NUDCD1: variants seen among roughly 807,000 people sequenced by gnomAD.
The protein encoded by NUDCD1 is nudC domain-containing protein 1.
In NUDCD1, 60 loss-of-function variants were observed where a neutral mutation model predicts 67.8. That is an observed-to-expected ratio of 0.88 (90% CI 0.72 to 1.10). The LOEUF (loss-of-function observed/expected upper bound fraction) is 1.10. Among genes scored for constraint, NUDCD1 ranks in the 50% least tolerant of loss-of-function variants. NUDCD1 has a pLI of 0.00. For missense variants in NUDCD1, 643 were observed against 695.0 expected (o/e 0.93, Z 0.84); for synonymous variants, 244 against 230.8 (o/e 1.06, Z -0.52).
intron 2 of NUDCD1, among the ~76,000 whole-genome samples, chr8:109,305,932 C>T (rs1056840779): frequency 6.6e-6 from 1 of 152,186 alleles, no homozygotes; most frequent in Non-Finnish European, 1.5e-5. Flanking sequence ...ACTCGCATTT[C>T]TGAAGAACAG....
At chr8:109,318,160 T>C (rs965062269) in intron 2 of NUDCD1, among the ~76,000 whole-genome samples, 1 of 152,190 alleles carries the variant, frequency 6.6e-6, no homozygotes, top group Admixed American at 6.5e-5. Context: ...TTTGACCAAC[T>C]ACCCTACCTC....
intron 8 of NUDCD1, among the ~76,000 whole-genome samples, chr8:109,253,116 A>G (rs1266231645): frequency 6.6e-6 from 1 of 152,244 alleles, no homozygotes; most frequent in Non-Finnish European, 1.5e-5. Context: ...CTATTGATTT[A>G]TAAAATGGTT....
intron 2 of NUDCD1, among the ~76,000 whole-genome samples, chr8:109,304,916 A>T (rs1376316803): frequency 6.6e-6 from 1 of 152,082 alleles, no homozygotes. Context: ...ACACAAGACA[A>T]ATGGTTCTTG....
chr8:109,302,763 C>T lies in NUDCD1; in HGVS notation c.274-6194G>A, dbSNP rs531002006. Among the ~76,000 whole-genome samples the T allele has an allele frequency of 3.9e-5, 6 of 152,262 alleles. No individual in the cohort carries two copies. In the East Asian group the frequency reaches 7.7e-4, roughly 20 times the overall value. ...ATGAAACCCAGCCCAGTCCATGGCCCGTTTGGCAACAACCCTCAGACGCTT... is the reference window on the plus strand; with the variant it reads ...ATGAAACCCAGCCCAGTCCATGGCCTGTTTGGCAACAACCCTCAGACGCTT... On this transcript the variant is annotated intron_variant, in intron 2 of 9. Transcript: ENST00000239690.
At chr8:109,247,452 G>C (rs1813525149) in intron 8 of NUDCD1, among the ~76,000 whole-genome samples, 1 of 152,128 alleles carries the variant, frequency 6.6e-6, no homozygotes, top group South Asian at 2.1e-4. Context: ...AGTGAAAGGT[G>C]ACCACCAAGG....
intron 3 of NUDCD1, among the ~76,000 whole-genome samples, chr8:109,294,304 C>T (rs548548471): frequency 6.6e-6 from 1 of 152,146 alleles, no homozygotes; most frequent in East Asian, 1.9e-4. Context: ...GAAAACCTTA[C>T]AAAGAAAAAT....
chr8:109,284,569 C>A (rs916341411), intron 5 of NUDCD1, among the ~76,000 whole-genome samples: 3 of 151,904 alleles, frequency 2.0e-5, no homozygotes, highest in Admixed American at 6.6e-5. Flanking sequence ...TGAAATCATA[C>A]CAATCATACT....
rs1586266071 is a variant in NUDCD1 at position 109,270,910 on chromosome 8, C to T, written c.1299+95G>A. 2.5e-5 allele frequency: 19 copies of T among 757,742 alleles called. No homozygotes were observed. The East Asian group carries it at 4.2e-4, about 17-fold the overall frequency. The allele number at this position is 757,742 out of a possible 1,614,324, so 46.9% of individuals were successfully genotyped here. ...TGATGAGACTTATCAAAGCCAGTAA[C>T]TGCTAATCAAGTATCTTTGAAAAAC... On this transcript the variant is annotated intron_variant, in intron 8 of 9. Transcript: ENST00000239690.
chr8:109,253,410 A>G (rs912797772), intron 8 of NUDCD1, among the ~76,000 whole-genome samples: 4 of 152,232 alleles, frequency 2.6e-5, no homozygotes, highest in African/African-American at 9.6e-5. Context: ...TTGATTATCA[A>G]GAGGCAAATA....
chr8:109,322,672 C>T (rs1358277944), intron 1 of NUDCD1, among the ~76,000 whole-genome samples: 1 of 152,074 alleles, frequency 6.6e-6, no homozygotes, highest in Non-Finnish European at 1.5e-5. Flanking sequence ...GGTCCCACGT[C>T]CTTACAAGAC....
intron 8 of NUDCD1, among the ~76,000 whole-genome samples, chr8:109,260,652 T>C (rs779045828): frequency 6.6e-6 from 1 of 152,200 alleles, no homozygotes; most frequent in Non-Finnish European, 1.5e-5. Context: ...ACCATTAAGA[T>C]GGAAATAGTA....
Position 109,242,982 on chromosome 8 carries a change from T to C in NUDCD1, c.*27A>G. ...CAGGTACCACTGAATACTTTTCCAG[T>C]ACAAAGAGGCCAATATGTTAGAATA... On this transcript the variant is annotated 3_prime_UTR_variant, in exon 10 of 10. Transcript: ENST00000239690. 1 of 1,493,556 alleles carries C rather than the reference T, an allele frequency of 6.7e-7. No homozygotes were observed. Among genetic ancestry groups the C allele is most frequent in the Non-Finnish European group, 9.2e-7 (1 of 1,082,778 alleles). 92.5% of individuals were successfully genotyped at this position (1,493,556 alleles called of 1,614,324 possible). A position where few individuals can be genotyped will look rare whatever the true frequency, so the allele number is the denominator to read the frequency against.
chr8:109,333,868 T>G (rs1318477811), intron 1 of NUDCD1, 25 bp downstream of exon 1: 1 of 1,612,526 alleles, frequency 6.2e-7, no homozygotes, highest in African/African-American at 1.3e-5. Context: ...AGGAACGGAG[T>G]ACGAAGGGCG....
intron 5 of NUDCD1, among the ~76,000 whole-genome samples, chr8:109,289,129 C>A (rs1586281332): frequency 1.3e-5 from 2 of 151,968 alleles, no homozygotes; most frequent in South Asian, 2.1e-4. Context: ...GCACCCACCA[C>A]CACATCCGGA....
At chr8:109,281,285 C>T (rs1413104348) in intron 5 of NUDCD1, 113 bp from the exon 6 acceptor site, 10 of 637,722 alleles carry the variant, frequency 1.6e-5, no homozygotes, top group Admixed American at 1.1e-4. Context: ...TCTCACAAAA[C>T]GTAATTATAA....
chr8:109,286,138 T>G (rs1187144779), intron 5 of NUDCD1, among the ~76,000 whole-genome samples: 1 of 152,042 alleles, frequency 6.6e-6, no homozygotes, highest in African/African-American at 2.4e-5. Context: ...TACACAGCAC[T>G]GCTGAAAGAA....
chr8:109,291,189 C>A (rs1814703198), intron 4 of NUDCD1, among the ~76,000 whole-genome samples: 1 of 152,162 alleles, frequency 6.6e-6, no homozygotes, highest in Admixed American at 6.5e-5. Context: ...CAGGGTCTTA[C>A]CCTGTTGCCC....
Position 109,280,872 on chromosome 8 carries a change from A to T in NUDCD1, c.1028+96T>A, listed in dbSNP as rs188909248. 1.1e-5 allele frequency: 6 copies of T among 561,972 alleles called. No individual in the cohort carries two copies. The Admixed American group carries it at 1.6e-4, about 15-fold the overall frequency. 34.8% of individuals were successfully genotyped at this position (561,972 alleles called of 1,614,324 possible). On this transcript the variant is annotated intron_variant, in intron 6 of 9. Coordinates refer to ENST00000239690, the MANE Select transcript of NUDCD1 (RefSeq NM_032869.4). Reference sequence around the variant, plus strand: ...AAAAGTAACCAGCAATACAGACAGAACTATTGTATTAATCTCTGATGTAAC... The same window carrying T: ...AAAAGTAACCAGCAATACAGACAGATCTATTGTATTAATCTCTGATGTAAC...
At chr8:109,328,138 A>G (rs1386786159) in intron 1 of NUDCD1, among the ~76,000 whole-genome samples, 1 of 152,174 alleles carries the variant, frequency 6.6e-6, no homozygotes, top group East Asian at 1.9e-4. Flanking sequence ...ATAAAACAAC[A>G]AAGGACACTT....
Sources: gnomAD v4.1 joint callset for allele counts (sites outside exome capture counted in the v4.1 genomes callset) on GRCh38, gnomAD v4.1.1 for gene constraint, MANE v1.5 for transcripts, NCBI Gene and HGNC (gene_info 2026-07-23, HGNC 2026-07-21) for gene names.